Variants in CAMTA1 observed in about 807,000 individuals in gnomAD.
The protein encoded by CAMTA1 is calmodulin-binding transcription activator 1.
CAMTA1 carries 27 observed loss-of-function variants against 170.9 expected under a neutral mutation model. The ratio of observed to expected loss-of-function variants is 0.16; its 90% CI spans 0.12 to 0.22. The LOEUF is 0.22. CAMTA1 is among the 10% of genes least tolerant of loss of function. The probability of loss-of-function intolerance (pLI) is 1.00; values close to 1 mark genes in which losing one functional copy is unlikely to be tolerated. For missense variants in CAMTA1, 1,619 were observed against 2,217.2 expected (o/e 0.73, Z 5.42); for synonymous variants, 833 against 891.5 (o/e 0.93, Z 1.17).
At chr1:7,303,820 A>C (rs895355921) in intron 5 of CAMTA1, among the ~76,000 whole-genome samples, 1 of 152,222 alleles carries the variant, frequency 6.6e-6, no homozygotes, top group African/African-American at 2.4e-5. Flanking sequence ...CTGGAGAGGA[A>C]AGAGCTGAAG....
chr1:7,543,429 A>G (rs557555192), intron 6 of CAMTA1, among the ~76,000 whole-genome samples: 23 of 152,314 alleles, frequency 1.5e-4, no homozygotes, highest in African/African-American at 5.3e-4. Flanking sequence ...CTTTGACATG[A>G]AATATCTCGC....
chr1:7,680,872 A>AGCAGCAGCAGCAGCAGCAGCAGCAGCT lies in CAMTA1; in HGVS notation c.2914+3150_2914+3151insAGCAGCAGCAGCAGCTGCAGCAGCAGC, dbSNP rs70987363. 6.8e-6 allele frequency among the ~76,000 whole-genome samples: 1 copy of AGCAGCAGCAGCAGCAGCAGCAGCAGCT among 146,262 alleles called. No individual in the cohort carries two copies. Among genetic ancestry groups the AGCAGCAGCAGCAGCAGCAGCAGCAGCT allele is most frequent in the Non-Finnish European group, 1.5e-5 (1 of 65,774 alleles). On this transcript the variant is annotated intron_variant, in intron 11 of 22. Transcript: ENST00000303635. The surrounding 1 kb of genome is among the most constrained non-coding windows in gnomAD (Gnocchi z 4.4). ...CGCGCGCGCGCGCGCCAGCAGCAGC[A>AGCAGCAGCAGCAGCAGCAGCAGCAGCT]GCAGCAGCAGCTGCTGCGGCGAAGT...
rs1375664475 is a variant in CAMTA1, at chr1:6,801,275, A to G, written c.45+15700A>G. ...TGTTTTCTGATGCAAATATGGTGAT[A>G]GTGGCGACCTCTCTAACTGGGCTAA... On this transcript the variant is annotated intron_variant, in intron 1 of 22. Coordinates refer to ENST00000303635, the MANE Select transcript of CAMTA1 (RefSeq NM_015215.4). Among the ~76,000 whole-genome samples, 4 of 152,186 alleles carry G rather than the reference A, an allele frequency of 2.6e-5. No individual in the cohort carries two copies. In the East Asian group the frequency reaches 7.7e-4, roughly 29 times the overall value.
chr1:7,115,516 G>A (rs796398453), intron 4 of CAMTA1, among the ~76,000 whole-genome samples: 1 of 115,004 alleles, frequency 8.7e-6, no homozygotes, highest in African/African-American at 3.7e-5. Context: ...AGAGCTGATG[G>A]TGGTGTTCCA....
intron 19 of CAMTA1, 32 bp from the exon 20 acceptor site, chr1:7,751,167 T>C (rs372900025): frequency 6.5e-7 from 1 of 1,536,746 alleles, no homozygotes; most frequent in African/African-American, 1.4e-5. Flanking sequence ...CCCCTGTTGT[T>C]ACTGTGTCGC....
At chr1:7,476,115 C>T (rs1317477372) in intron 6 of CAMTA1, among the ~76,000 whole-genome samples, 6 of 152,222 alleles carry the variant, frequency 3.9e-5, no homozygotes, top group Non-Finnish European at 7.3e-5. Context: ...TTCTTCCACA[C>T]CTTTGGCCGC....
chr1:7,371,208 G>C (rs945533590), intron 5 of CAMTA1, among the ~76,000 whole-genome samples: 1 of 150,658 alleles, frequency 6.6e-6, no homozygotes, highest in Admixed American at 6.7e-5. Context: ...ACCGTGCCTG[G>C]CCTGGATGTG....
chr1:7,522,718 T>A (rs772998703), intron 6 of CAMTA1, among the ~76,000 whole-genome samples: 2 of 152,258 alleles, frequency 1.3e-5, no homozygotes. Flanking sequence ...TTTGTTTTGG[T>A]TTTGGCCTGT....
chr1:7,131,619 A>T (rs191314092), intron 4 of CAMTA1, among the ~76,000 whole-genome samples: 1 of 151,098 alleles, frequency 6.6e-6, no homozygotes, highest in East Asian at 1.9e-4. Flanking sequence ...TGGCCCCTTC[A>T]CTGAAAACCA....
chr1:7,011,965 A>C (rs139641745), intron 3 of CAMTA1, among the ~76,000 whole-genome samples: 1 of 152,226 alleles, frequency 6.6e-6, no homozygotes, highest in Non-Finnish European at 1.5e-5. Context: ...CTGAGACTAC[A>C]AGCCCCCAGT....
In CAMTA1 at chr1:7,224,135, C is replaced by A. The variant is rs924082758; in HGVS notation, c.303-25356C>A. On this transcript the variant is annotated intron_variant, in intron 4 of 22. Coordinates refer to ENST00000303635, the MANE Select transcript of CAMTA1 (RefSeq NM_015215.4). The surrounding 1 kb of genome is among the most constrained non-coding windows in gnomAD (Gnocchi z 5.2). ...ACGTTTGTAGCACCTTTACATAAAG[C>A]CAGAGTGCTCAAGCCATCCTGGACC... 2.6e-5 allele frequency among the ~76,000 whole-genome samples: 4 copies of A among 152,154 alleles called. No individual in the cohort carries two copies. The highest frequency in any genetic ancestry group is 9.7e-5 in the African/African-American group (4 of 41,426).
Position 7,492,777 on chromosome 1 carries a change from G to GCACA in CAMTA1, c.510+24881_510+24884dup, listed in dbSNP as rs142048317. 4.7e-3 allele frequency among the ~76,000 whole-genome samples: 636 copies of GCACA among 135,402 alleles called. 4 individuals are homozygous for GCACA. The highest frequency in any genetic ancestry group is 0.017 in the African/African-American group (602 of 35,816). The allele number at this position is 135,402 out of a possible 152,430, so 88.8% of individuals were successfully genotyped here. A position where few individuals can be genotyped will look rare whatever the true frequency, so the allele number is the denominator to read the frequency against. ...CACACACAAACCTACATACACAAGT[G>GCACA]CACACACAAACACAAACCTACGTAT... is the stretch of plus-strand genomic sequence containing the variant. On this transcript the variant is annotated intron_variant, in intron 6 of 22. Transcript: ENST00000303635.
intron 5 of CAMTA1, among the ~76,000 whole-genome samples, chr1:7,330,917 A>G (rs1267841933): frequency 6.6e-6 from 1 of 152,080 alleles, no homozygotes; most frequent in Non-Finnish European, 1.5e-5. Flanking sequence ...GCCACATCGT[A>G]GGGCTTTGGG....
At chr1:7,103,575 T>A (rs951127630) in intron 4 of CAMTA1, among the ~76,000 whole-genome samples, 1 of 121,694 alleles carries the variant, frequency 8.2e-6, no homozygotes, top group East Asian at 2.4e-4. Context: ...ACAACACAAC[T>A]ACACACATGT....
chr1:7,009,234 G>A (rs1417532313), intron 3 of CAMTA1, among the ~76,000 whole-genome samples: 1 of 152,238 alleles, frequency 6.6e-6, no homozygotes, highest in African/African-American at 2.4e-5. Flanking sequence ...ATGTGGCAGA[G>A]TTGTGAGTGC....
At chr1:7,449,735 A>G (rs1305547455) in intron 5 of CAMTA1, among the ~76,000 whole-genome samples, 1 of 140,962 alleles carries the variant, frequency 7.1e-6, no homozygotes, top group African/African-American at 2.6e-5. Flanking sequence ...GTGCCACTAC[A>G]CTCCAGTCTG....
chr1:6,900,914 T>C (rs531304861), intron 3 of CAMTA1, among the ~76,000 whole-genome samples: 16 of 152,344 alleles, frequency 1.1e-4, no homozygotes, highest in Admixed American at 3.3e-4. Flanking sequence ...GCAAGGTTTT[T>C]ATGGAAATGC....
Position 7,249,086 on chromosome 1 carries a change from G to A in CAMTA1, c.303-405G>A, listed in dbSNP as rs970763048. ...ATTTATTTCCTAATGCTGGGTGATG[G>A]ATTAAAAGATGTGTAGAAAATCCTT... On this transcript the variant is annotated intron_variant, in intron 4 of 22. Coordinates refer to ENST00000303635, the MANE Select transcript of CAMTA1 (RefSeq NM_015215.4). This position sits in a 1 kb window ranked among gnomAD's most constrained non-coding sequence, Gnocchi z 4.4. Among the ~76,000 whole-genome samples the A allele has an allele frequency of 3.3e-5, 5 of 152,172 alleles. No individual in the cohort carries two copies. The highest frequency in any genetic ancestry group is 5.9e-5 in the Non-Finnish European group (4 of 68,044).
intron 3 of CAMTA1, among the ~76,000 whole-genome samples, chr1:7,083,677 A>G (rs1478490525): frequency 6.6e-6 from 1 of 152,216 alleles, no homozygotes; most frequent in Non-Finnish European, 1.5e-5. Flanking sequence ...TATTTAAATT[A>G]AGGCCAATTA....
Sources: allele counts gnomAD v4.1 joint callset (sites outside exome capture counted in the v4.1 genomes callset), GRCh38; gene constraint gnomAD v4.1.1; non-coding constraint Gnocchi (gnomAD v3.1); transcripts MANE v1.5; gene names NCBI Gene and HGNC (gene_info 2026-07-23, HGNC 2026-07-21).